The following PDE10A variants were observed in gnomAD, a reference collection of about 807,000 sequenced individuals.
The protein encoded by PDE10A is cAMP and cAMP-inhibited cGMP 3',5'-cyclic phosphodiesterase 10A.
Under a neutral mutation model 97.7 loss-of-function variants are expected in PDE10A, and 39 were observed. The ratio of observed to expected loss-of-function variants is 0.40; its 90% CI spans 0.31 to 0.52. The LOEUF (loss-of-function observed/expected upper bound fraction) is 0.52. Among genes scored for constraint, PDE10A ranks in the 20% least tolerant of loss-of-function variants. PDE10A has a pLI of 0.56. For missense variants in PDE10A, 731 were observed against 1,047.8 expected (o/e 0.70, Z 4.17); for synonymous variants, 371 against 376.8 (o/e 0.98, Z 0.18).
chr6:165,784,151 G>A (rs1408631485), intron 1 of PDE10A, among the ~76,000 whole-genome samples: 2 of 151,604 alleles, frequency 1.3e-5, no homozygotes, highest in African/African-American at 4.8e-5. Context: ...CTGGGAGGCG[G>A]GGAGGTTGCA....
intron 1 of PDE10A, chr6:165,939,832 C>G (rs2128492354): frequency 6.6e-6 from 1 of 152,334 alleles, no homozygotes; most frequent in Middle Eastern, 3.4e-3. Flanking sequence ...ACTCTAAACC[C>G]TTTTGGCTGC....
At chr6:165,645,228 C>T (rs1482165857) in intron 1 of PDE10A, among the ~76,000 whole-genome samples, 2 of 152,182 alleles carry the variant, frequency 1.3e-5, no homozygotes, top group Non-Finnish European at 2.9e-5. Context: ...AGCGAGGGTG[C>T]GGCTGCCTTC....
At chr6:165,957,615 T>G (rs561016076) in intron 1 of PDE10A, among the ~76,000 whole-genome samples, 1 of 152,258 alleles carries the variant, frequency 6.6e-6, no homozygotes, top group African/African-American at 2.4e-5. Flanking sequence ...ATTTGTGCAA[T>G]TTGACTCCAA....
chr6:165,822,731 C>T (rs565622056), intron 1 of PDE10A, among the ~76,000 whole-genome samples: 3 of 152,304 alleles, frequency 2.0e-5, no homozygotes, highest in Admixed American at 2.0e-4. Flanking sequence ...ATGGCGTGCA[C>T]TACTGTGCAC....
intron 1 of PDE10A, among the ~76,000 whole-genome samples, chr6:165,946,010 T>C (rs1305876957): frequency 6.6e-6 from 1 of 152,204 alleles, no homozygotes; most frequent in Non-Finnish European, 1.5e-5. Context: ...GCTTTTTAGT[T>C]TGAAGTAATC....
chr6:165,762,087 C>T (rs1793264255), intron 1 of PDE10A, among the ~76,000 whole-genome samples: 1 of 152,194 alleles, frequency 6.6e-6, no homozygotes, highest in Non-Finnish European at 1.5e-5. Context: ...TAAGCTGAAA[C>T]TCACCAGATT....
At chr6:165,766,480 G>A (rs1454288340) in intron 1 of PDE10A, among the ~76,000 whole-genome samples, 3 of 152,210 alleles carry the variant, frequency 2.0e-5, no homozygotes, top group Non-Finnish European at 4.4e-5. Flanking sequence ...TCCATACAAA[G>A]TTTAGACAAT....
intron 1 of PDE10A, among the ~76,000 whole-genome samples, chr6:165,860,963 C>A (rs1780885499): frequency 6.6e-6 from 1 of 152,216 alleles, no homozygotes. Context: ...GCCATCCTGG[C>A]AGGGATGATT....
At chr6:165,347,066 C>CT (rs149163527) in intron 18 of PDE10A, among the ~76,000 whole-genome samples, 1 of 151,352 alleles carries the variant, frequency 6.6e-6, no homozygotes, top group Admixed American at 6.6e-5. Flanking sequence ...AGGTTCAATT[C>CT]TTTTTTTCTC....
chr6:165,899,901 T>A (rs1390363059), intron 1 of PDE10A, among the ~76,000 whole-genome samples: 2 of 152,216 alleles, frequency 1.3e-5, no homozygotes, highest in African/African-American at 4.8e-5. Context: ...ACCTGTTTTT[T>A]CCCTTTTCTT....
chr6:165,866,030 TACAA>T (rs1781033681), intron 1 of PDE10A, among the ~76,000 whole-genome samples: 1 of 152,024 alleles, frequency 6.6e-6, no homozygotes, highest in Non-Finnish European at 1.5e-5. Context: ...ACAAAGGATA[TACAA>T]ACAATCAGAA....
At chr6:165,525,625 A>G (rs1197696058) in intron 2 of PDE10A, among the ~76,000 whole-genome samples, 2 of 152,160 alleles carry the variant, frequency 1.3e-5, no homozygotes, top group Non-Finnish European at 2.9e-5. Flanking sequence ...AGAGCCTTGT[A>G]ATTGCTCTTC....
chr6:165,571,547 A>G (rs923229940), intron 1 of PDE10A, among the ~76,000 whole-genome samples: 2 of 152,194 alleles, frequency 1.3e-5, no homozygotes, highest in African/African-American at 4.8e-5. Context: ...TTCCTAAGAC[A>G]GTTTTCTTCA....
intron 1 of PDE10A, among the ~76,000 whole-genome samples, chr6:165,601,160 T>C (rs1263725657): frequency 6.6e-6 from 1 of 152,192 alleles, no homozygotes; most frequent in Non-Finnish European, 1.5e-5. Flanking sequence ...GTTTCCACTT[T>C]TGCTTCTTCC....
At chr6:165,851,750 G>GGATGTCCT (rs1388065295) in intron 1 of PDE10A, among the ~76,000 whole-genome samples, 1 of 152,056 alleles carries the variant, frequency 6.6e-6, no homozygotes, top group African/African-American at 2.4e-5. Context: ...CTTGGGTCAG[G>GGATGTCCT]GATGTCCTGG....
intron 1 of PDE10A, among the ~76,000 whole-genome samples, chr6:165,962,045 G>A (rs1255001301): frequency 6.6e-6 from 1 of 152,218 alleles, no homozygotes; most frequent in African/African-American, 2.4e-5. Context: ...GTCCAAGGTG[G>A]ATAGAAACAC....
upstream of PDE10A, among the ~76,000 whole-genome samples, chr6:165,664,007 C>A (rs1477388496): frequency 1.3e-5 from 2 of 152,184 alleles, no homozygotes; most frequent in African/African-American, 2.4e-5. Context: ...GGCAGGCACG[C>A]GCGGCGGGGC....
chr6:165,924,270 T>G lies in PDE10A; in HGVS notation c.-615+63259A>C, dbSNP rs1307188032. Among the ~76,000 whole-genome samples, 3 of 152,142 alleles carry G rather than the reference T, an allele frequency of 2.0e-5. No homozygotes were observed. In the East Asian group the frequency reaches 5.8e-4, roughly 29 times the overall value. On this transcript the variant is annotated intron_variant, in intron 1 of 19. Coordinates refer to the PDE10A transcript ENST00000366882. ...GATCTCCCTCTAGGCATACAACTCATGGTTTCCATTTTGGATAGAACATCT... is the reference window on the plus strand; with the variant it reads ...GATCTCCCTCTAGGCATACAACTCAGGGTTTCCATTTTGGATAGAACATCT...
chr6:165,966,536 G>A (rs372237850), intron 1 of PDE10A, among the ~76,000 whole-genome samples: 1 of 152,188 alleles, frequency 6.6e-6, no homozygotes, highest in Non-Finnish European at 1.5e-5. Flanking sequence ...AAAACAACTG[G>A]GTGGGAAGCC....
Sources: gnomAD v4.1 joint callset for allele counts (sites outside exome capture counted in the v4.1 genomes callset) on GRCh38, gnomAD v4.1.1 for gene constraint, MANE v1.5 for transcripts, NCBI Gene and HGNC (gene_info 2026-07-23, HGNC 2026-07-21) for gene names.